SH3PXD2A: variants seen among roughly 807,000 people sequenced by gnomAD.
The protein encoded by SH3PXD2A is SH3 and PX domain-containing protein 2A.
Under a neutral mutation model 115.2 loss-of-function variants are expected in SH3PXD2A, and 32 were observed. That is an observed-to-expected ratio of 0.28 (90% confidence interval 0.21 to 0.37). SH3PXD2A has a LOEUF of 0.37. Ranked by LOEUF, SH3PXD2A falls within the 10% of genes least tolerant of loss-of-function variation. The pLI is 1.00. For synonymous variants in SH3PXD2A, 610 were observed against 629.1 expected (o/e 0.97, Z 0.45); for missense variants, 1,328 against 1,498.7 (o/e 0.89, Z 1.88).
At chr10:103,831,742 C>G (rs758945215) in intron 1 of SH3PXD2A, among the ~76,000 whole-genome samples, 2 of 152,118 alleles carry the variant, frequency 1.3e-5, no homozygotes, top group Admixed American at 6.5e-5. Flanking sequence ...ACTAATACAT[C>G]ACCACTATCT....
intron 1 of SH3PXD2A, among the ~76,000 whole-genome samples, chr10:103,831,967 C>T (rs2039486375): frequency 6.6e-6 from 1 of 152,174 alleles, no homozygotes; most frequent in African/African-American, 2.4e-5. Flanking sequence ...CAAAGTTCAT[C>T]CAGGTTGCAG....
At chr10:103,834,075 C>G (rs1456156075) in intron 1 of SH3PXD2A, among the ~76,000 whole-genome samples, 2 of 152,182 alleles carry the variant, frequency 1.3e-5, no homozygotes, top group African/African-American at 4.8e-5. Flanking sequence ...GAGTTCAACA[C>G]TTCCTGAAAG....
chr10:103,852,959 A>G (rs1554930575), intron 1 of SH3PXD2A, among the ~76,000 whole-genome samples: 1 of 152,140 alleles, frequency 6.6e-6, no homozygotes, highest in Non-Finnish European at 1.5e-5. Context: ...CTCATCTGTA[A>G]AATGAAGGAG....
At chr10:103,827,237 C>T (rs1371740183) in intron 1 of SH3PXD2A, among the ~76,000 whole-genome samples, 1 of 152,120 alleles carries the variant, frequency 6.6e-6, no homozygotes, top group African/African-American at 2.4e-5. Context: ...AAAACTGGGC[C>T]ACTTCTGGGC....
intron 8 of SH3PXD2A, among the ~76,000 whole-genome samples, chr10:103,646,964 A>C (rs2037044609): frequency 1.3e-5 from 2 of 150,216 alleles, no homozygotes; most frequent in African/African-American, 2.5e-5. Flanking sequence ...CCACACTGCC[A>C]TCTCCCAGCC....
chr10:103,693,050 A>G lies in SH3PXD2A; in HGVS notation c.405T>C (p.Tyr135=). 1 of 1,612,966 alleles carries G rather than the reference A, an allele frequency of 6.2e-7. No individual in the cohort carries two copies. The highest frequency in any genetic ancestry group is 1.1e-5 in the South Asian group (1 of 91,034). The change falls in exon 6 of 15, where the codon TAT becomes TAC. Residue 135 remains tyrosine (Y), a synonymous_variant. Coordinates refer to ENST00000369774, the MANE Select transcript of SH3PXD2A (RefSeq NM_001394015.1). ...PEDVNPPKED[Y]GSSKRKSVWL... Reference sequence around the variant, plus strand: ...TACCTGATTTCCTCTTGGAACTGCCATAGTCCCTGAAAAAGAAGCAACAAC... The same window carrying G: ...TACCTGATTTCCTCTTGGAACTGCCGTAGTCCCTGAAAAAGAAGCAACAAC...
intron 6 of SH3PXD2A, among the ~76,000 whole-genome samples, chr10:103,688,942 C>T (rs2037713824): frequency 6.6e-6 from 1 of 152,184 alleles, no homozygotes; most frequent in South Asian, 2.1e-4. Context: ...TTATGCCTCA[C>T]TGCAACCTCA....
Position 103,595,681 on chromosome 10 carries a change from T to G in SH3PXD2A, c.*6135A>C, listed in dbSNP as rs1051910491. On this transcript the variant is annotated 3_prime_UTR_variant, in exon 15 of 15. Coordinates refer to ENST00000369774, the MANE Select transcript of SH3PXD2A (RefSeq NM_001394015.1). ...CCCATTCTCTAAGGCCACTGAGTTC[T>G]AGGACTGGAGTAGGAGAGGGTGCTG... 6.6e-6 allele frequency: 1 copy of G among 152,592 alleles called. No individual in the cohort carries two copies. Among genetic ancestry groups the G allele is most frequent in the Admixed American group, 6.5e-5 (1 of 15,290 alleles). 9.5% of individuals were successfully genotyped at this position (152,592 alleles called of 1,614,324 possible). A position where few individuals can be genotyped will look rare whatever the true frequency, so the allele number is the denominator to read the frequency against.
intron 6 of SH3PXD2A, among the ~76,000 whole-genome samples, chr10:103,683,102 G>A (rs1387785189): frequency 6.6e-6 from 1 of 152,136 alleles, no homozygotes; most frequent in African/African-American, 2.4e-5. Flanking sequence ...GCTCACGTCT[G>A]TAATCCCAAC....
rs759637363 is a variant in SH3PXD2A at position 103,679,230 on chromosome 10, G to A, written c.428-10578C>T. On this transcript the variant is annotated intron_variant, in intron 6 of 14. Transcript: ENST00000369774. ...GTTTCCTTGCCCACCTCCCCCATCT[G>A]GCCAGGAGTCCTCTGAGGACAAGGA... 1.4e-4 allele frequency among the ~76,000 whole-genome samples: 21 copies of A among 152,184 alleles called. 1 individual carries two copies. Among genetic ancestry groups the A allele is most frequent in the Admixed American group, 2.0e-4 (3 of 15,280 alleles).
intron 6 of SH3PXD2A, among the ~76,000 whole-genome samples, chr10:103,670,494 G>T (rs1021928072): frequency 6.6e-6 from 1 of 152,210 alleles, no homozygotes; most frequent in Non-Finnish European, 1.5e-5. Context: ...GCCTCCCTGG[G>T]TTCAATCAGC....
chr10:103,824,210 G>A (rs996400478), intron 1 of SH3PXD2A, among the ~76,000 whole-genome samples: 5 of 152,226 alleles, frequency 3.3e-5, no homozygotes, highest in Non-Finnish European at 7.3e-5. Flanking sequence ...CATGGAGTTT[G>A]TTTCTTTCGG....
At chr10:103,830,347 C>T (rs1248692662) in intron 1 of SH3PXD2A, among the ~76,000 whole-genome samples, 1 of 152,078 alleles carries the variant, frequency 6.6e-6, no homozygotes, top group Non-Finnish European at 1.5e-5. Context: ...TGAATCGGTC[C>T]TTAGGGAGAA....
chr10:103,747,005 A>T (rs2038511334), intron 3 of SH3PXD2A: 1 of 152,238 alleles, frequency 6.6e-6, no homozygotes, highest in Non-Finnish European at 1.5e-5. Flanking sequence ...ACAGAATGCA[A>T]GCTTCTTGCA....
At chr10:103,838,944 C>G (rs1459882843) in intron 1 of SH3PXD2A, among the ~76,000 whole-genome samples, 1 of 152,148 alleles carries the variant, frequency 6.6e-6, no homozygotes, top group Non-Finnish European at 1.5e-5. Context: ...CAGGAAGAGG[C>G]CAAAATGAGC....
intron 2 of SH3PXD2A, among the ~76,000 whole-genome samples, chr10:103,782,030 G>A (rs1003874047): frequency 2.6e-5 from 4 of 152,210 alleles, no homozygotes; most frequent in Admixed American, 2.0e-4. Flanking sequence ...TCTGGGAAGT[G>A]CTGCAACAGG....
chr10:103,650,376 C>T (rs191874863), intron 8 of SH3PXD2A, among the ~76,000 whole-genome samples: 14 of 152,346 alleles, frequency 9.2e-5, no homozygotes, highest in South Asian at 2.1e-4. Flanking sequence ...TCCAGGCCTC[C>T]GCTATCCCTC....
chr10:103,787,750 C>A (rs2134247815), intron 2 of SH3PXD2A, among the ~76,000 whole-genome samples: 1 of 152,240 alleles, frequency 6.6e-6, no homozygotes, highest in East Asian at 1.9e-4. Context: ...GCCCAAACAC[C>A]AGCCTCATTC....
chr10:103,693,435 C>T (rs1426606840), intron 5 of SH3PXD2A: 1 of 152,076 alleles, frequency 6.6e-6, no homozygotes, highest in Non-Finnish European at 1.5e-5. Context: ...CCGGCCCCTA[C>T]CCAGCGCTGG....
Sources: gnomAD v4.1 joint callset for allele counts (sites outside exome capture counted in the v4.1 genomes callset) on GRCh38, gnomAD v4.1.1 for gene constraint, MANE v1.5 for transcripts, NCBI Gene and HGNC (gene_info 2026-07-23, HGNC 2026-07-21) for gene names.